SLC5A5: variants seen among roughly 807,000 people sequenced by gnomAD.
SLC5A5 encodes the protein sodium/iodide cotransporter.
In SLC5A5, 56 loss-of-function variants were observed where a neutral mutation model predicts 68.6. That is an observed-to-expected ratio of 0.82 (90% CI 0.66 to 1.02). The LOEUF is 1.02. SLC5A5 is among the 50% of genes least tolerant of loss of function. The probability of loss-of-function intolerance (pLI) is 0.00; values close to 1 mark genes in which losing one functional copy is unlikely to be tolerated. For synonymous variants in SLC5A5, 398 were observed against 373.0 expected, an observed-to-expected ratio of 1.07 and a Z score of -0.77; for missense variants, 807 against 859.8, an observed-to-expected ratio of 0.94 and a Z score of 0.77.
At chr19:17,878,745 A>T (rs1220700132) in intron 7 of SLC5A5, among the ~76,000 whole-genome samples, 1 of 151,808 alleles carries the variant, frequency 6.6e-6, no homozygotes, top group Non-Finnish European at 1.5e-5. Context: ...GGAGGCCGAG[A>T]CAGGCAGATC....
At chr19:17,875,587 A>ACCCCCCC (rs59128676) in intron 4 of SLC5A5, among the ~76,000 whole-genome samples, 1 of 145,012 alleles carries the variant, frequency 6.9e-6, no homozygotes, top group African/African-American at 2.6e-5. Context: ...ACATAGTGAG[A>ACCCCCCC]CCCCCCCCCG....
Position 17,874,296 on chromosome 19 carries a change from C to A in SLC5A5, c.423+93C>A, listed in dbSNP as rs1207170268. 1.2e-5 allele frequency: 10 copies of A among 838,174 alleles called. No homozygotes were observed. In the African/African-American group the frequency reaches 1.2e-4, roughly 10 times the overall value. 51.9% of individuals were successfully genotyped at this position (838,174 alleles called of 1,614,324 possible). A position where few individuals can be genotyped will look rare whatever the true frequency, so the allele number is the denominator to read the frequency against. ...CACCATTCAAGACCCCGCCCAGACC[C>A]CGCCCCCCATGCTCCCGTTCTGACC... On this transcript the variant is annotated intron_variant, in intron 2 of 14. Transcript: ENST00000222248.
rs1311167289 is a variant in SLC5A5, at chr19:17,893,856, C to T, written c.1911C>T (p.Asp637=). The change falls in exon 15 of 15, where the codon GAC becomes GAT. Residue 637 remains aspartate, a synonymous_variant. Transcript: ENST00000222248. ...TPCVGHDGGR[D]QQETNL ...GTGTTGGACATGATGGTGGTCGAGA[C>T]CAGCAGGAGACAAACCTCTGAGGAC... is the stretch of plus-strand genomic sequence containing the variant. The T allele has an allele frequency of 6.4e-7, 1 of 1,573,470 alleles. No individual in the cohort carries two copies. Among genetic ancestry groups the T allele is most frequent in the African/African-American group, 1.4e-5 (1 of 73,734 alleles).
At chr19:17,874,765 GA>G (rs2094302931) in intron 4 of SLC5A5, 34 bp downstream of exon 4, 2 of 1,603,138 alleles carry the variant, frequency 1.2e-6, no homozygotes, top group African/African-American at 2.7e-5. Context: ...CCATACGGGG[GA>G]TCGGGCCCAC....
intron 5 of SLC5A5, among the ~76,000 whole-genome samples, chr19:17,877,497 T>C (rs535366366): frequency 3.2e-4 from 48 of 152,176 alleles, no homozygotes; most frequent in South Asian, 8.3e-4. Context: ...TTTATAGAGA[T>C]GGGGTTTCAC....
rs1016841056 is a variant in SLC5A5 at position 17,881,191 on chromosome 19, CTCT to C, written c.1058+247_1058+249del. On this transcript the variant is annotated intron_variant, in intron 8 of 14. Transcript: ENST00000222248. ...TGTCAGGGCCACGCCTGACTCTCCT[CTCT>C]TCTTCTTCCTTCTTTCCTTCCTTCC... 2.0e-5 allele frequency among the ~76,000 whole-genome samples: 3 copies of C among 152,118 alleles called. No individual in the cohort carries two copies. The South Asian group carries it at 6.2e-4, about 32-fold the overall frequency.
intron 1 of SLC5A5, 53 bp downstream of exon 1, chr19:17,872,729 C>T (rs977156928): frequency 8.4e-5 from 98 of 1,170,234 alleles, no homozygotes; most frequent in Non-Finnish European, 1.2e-4. Flanking sequence ...GTGCTGGGAC[C>T]CCGTGTGGGG....
chr19:17,886,576 A>G (rs938501500), intron 12 of SLC5A5, among the ~76,000 whole-genome samples: 2 of 151,952 alleles, frequency 1.3e-5, no homozygotes, highest in Admixed American at 1.3e-4. Flanking sequence ...CCAGGGTGTT[A>G]GGATTACAGG....
rs952808056 is a variant in SLC5A5, at chr19:17,883,853, G to A, written c.1333G>A (p.Val445Ile). The change falls in exon 12 of 15, where the codon GTC becomes ATC. Residue 445 changes from valine to isoleucine, a missense_variant. Transcript: ENST00000222248. ...CTGACGCCGGCTCTGCCCCCAGGGC[G>A]TCCTCGCGGGACTAGGCGCGGGCTT... is the stretch of plus-strand genomic sequence containing the variant. ...MFLPACNTPG[V>I]LAGLGAGLAL... The A allele has an allele frequency of 6.9e-6, 11 of 1,596,666 alleles. No individual in the cohort carries two copies. The South Asian group carries it at 1.0e-4, about 15-fold the overall frequency.
Position 17,883,760 on chromosome 19 carries a change from A to G in SLC5A5, c.1322A>G (p.Asn441Ser). ...TTGGGAATGTTCCTGCCGGCCTGCA[A>G]CACACCGGTGAGTGGGGGCGGGGCA... Reference protein sequence around the residue: ...FILGMFLPACNTPGVLAGLGA... With the variant: ...FILGMFLPACSTPGVLAGLGA... Residue 441 changes from asparagine to serine, a missense_variant, in exon 11 of 15, where the codon AAC (asparagine) becomes AGC (serine). Physicochemically the swap from Asn to Ser is conservative, Grantham distance 46. Coordinates refer to ENST00000222248, the MANE Select transcript of SLC5A5 (RefSeq NM_000453.3). The G allele has an allele frequency of 3.7e-6, 5 of 1,350,618 alleles. No homozygotes were observed. Among genetic ancestry groups the G allele is most frequent in the Non-Finnish European group, 5.0e-6 (5 of 993,368 alleles). 83.7% of individuals were successfully genotyped at this position (1,350,618 alleles called of 1,614,324 possible). A position where few individuals can be genotyped will look rare whatever the true frequency, so the allele number is the denominator to read the frequency against.
rs2147728577 is a variant in SLC5A5, at chr19:17,874,185, G to A, written c.405G>A (p.Leu135=). Residue 135 remains leucine (L), a synonymous_variant, in exon 2 of 15, where the codon TTG becomes TTA. Transcript: ENST00000222248. ...FSRAVRLCGT[L]QYIVATMLYT... ...GCGCAGTGCGGCTCTGCGGGACTTT[G>A]CAGTACATTGTAGCCACGGTGAGTG... 1.2e-6 allele frequency: 2 copies of A among 1,611,938 alleles called. No homozygotes were observed. The highest frequency in any genetic ancestry group is 1.7e-6 in the Non-Finnish European group (2 of 1,178,586).
chr19:17,874,791 G>C, intron 4 of SLC5A5, 60 bp downstream of exon 4: 1 of 1,523,432 alleles, frequency 6.6e-7, no homozygotes, highest in Middle Eastern at 1.7e-4. Context: ...TCTCTTGTGG[G>C]GAGACTCTGG....
At chr19:17,874,633 G>T in intron 3 of SLC5A5, 31 bp from the exon 4 acceptor site, 1 of 1,613,726 alleles carries the variant, frequency 6.2e-7, no homozygotes, top group Non-Finnish European at 8.5e-7. Flanking sequence ...CCCCGCCCAG[G>T]GGCCTAACAG....
At chr19:17,889,413 A>AGAAGAAGGAAGGAAGGAAGGAAG (rs2030066319) in intron 13 of SLC5A5, among the ~76,000 whole-genome samples, 1 of 137,608 alleles carries the variant, frequency 7.3e-6, no homozygotes, top group African/African-American at 3.1e-5. Flanking sequence ...AAAGAAAGAA[A>AGAAGAAGGAAGGAAGGAAGGAAG]GAAGGAAGGA....
intron 1 of SLC5A5, 25 bp downstream of exon 1, chr19:17,872,701 G>A (rs2094297361): frequency 7.1e-7 from 1 of 1,407,146 alleles, no homozygotes; most frequent in Non-Finnish European, 1.0e-6. Flanking sequence ...CCCGGGGGTA[G>A]GACCTGCCCC....
intron 5 of SLC5A5, among the ~76,000 whole-genome samples, chr19:17,877,055 G>T (rs10401190): frequency 0.062 from 9,352 of 151,152 alleles, 643 homozygotes; most frequent in East Asian, 0.21. Context: ...AGAGGATGGG[G>T]CTGGGCTCCC....
intron 7 of SLC5A5, among the ~76,000 whole-genome samples, chr19:17,879,960 C>T (rs914244421): frequency 1.2e-4 from 18 of 151,666 alleles, no homozygotes; most frequent in Non-Finnish European, 2.2e-4. Flanking sequence ...AGTGCAGTGG[C>T]GCAACCTCAG....
Position 17,877,943 on chromosome 19 carries a change from TG to T in SLC5A5, c.840-20del. 6.2e-7 allele frequency: 1 copy of T among 1,613,658 alleles called. No homozygotes were observed. Among genetic ancestry groups the T allele is most frequent in the Non-Finnish European group, 8.5e-7 (1 of 1,180,022 alleles). On this transcript the variant is annotated intron_variant, in intron 6 of 14. Transcript: ENST00000222248. Reference sequence around the variant, plus strand: ...CCAGCCTGAGGCTATCCCCTAAGCCTGAGGCTGCCTCTTCCCCCAGGGCCCT... The same window carrying T: ...CCAGCCTGAGGCTATCCCCTAAGCCTAGGCTGCCTCTTCCCCCAGGGCCCT...
chr19:17,881,369 C>T (rs2094320387), intron 8 of SLC5A5, among the ~76,000 whole-genome samples: 1 of 151,958 alleles, frequency 6.6e-6, no homozygotes, highest in Non-Finnish European at 1.5e-5. Flanking sequence ...TGGGTTCAAG[C>T]AATTCTCCTG....
Sources: gnomAD v4.1 joint callset for allele counts (sites outside exome capture counted in the v4.1 genomes callset) on GRCh38, gnomAD v4.1.1 for gene constraint, MANE v1.5 for transcripts, NCBI Gene and HGNC (gene_info 2026-07-23, HGNC 2026-07-21) for gene names.